Variants in ZFYVE9 observed in about 807,000 individuals in gnomAD.
The protein encoded by ZFYVE9 is zinc finger FYVE-type containing 9, also known as zinc finger FYVE domain-containing protein 9.
In ZFYVE9, 43 loss-of-function variants were observed where a neutral mutation model predicts 126.7. The ratio of observed to expected loss-of-function variants is 0.34; its 90% confidence interval spans 0.27 to 0.44. ZFYVE9 has a LOEUF of 0.44. Ranked by LOEUF, ZFYVE9 falls within the 20% of genes least tolerant of loss-of-function variation. The pLI is 1.00. For synonymous variants in ZFYVE9, 521 were observed against 597.4 expected (o/e 0.87, Z 1.87); for missense variants, 1,476 against 1,697.0 (o/e 0.87, Z 2.29).
intron 3 of ZFYVE9, among the ~76,000 whole-genome samples, chr1:52,234,656 G>A (rs565590674): frequency 1.3e-5 from 2 of 152,296 alleles, no homozygotes; most frequent in Admixed American, 6.5e-5. Flanking sequence ...GGCTACCAGA[G>A]TGGCCTGCTT....
chr1:52,225,505 GT>G (rs1645162157), intron 2 of ZFYVE9, among the ~76,000 whole-genome samples: 1 of 152,212 alleles, frequency 6.6e-6, no homozygotes, highest in Admixed American at 6.5e-5. Context: ...GAAGGAAGGG[GT>G]TTTTAACCCT....
chr1:52,165,440 T>A (rs1644504632), intron 1 of ZFYVE9, among the ~76,000 whole-genome samples: 1 of 152,104 alleles, frequency 6.6e-6, no homozygotes, highest in African/African-American at 2.4e-5. Context: ...CCCTGAACAG[T>A]CTGTGAGGGA....
chr1:52,193,290 G>A (rs1011927054), intron 1 of ZFYVE9, among the ~76,000 whole-genome samples: 14 of 145,610 alleles, frequency 9.6e-5, no homozygotes, highest in Admixed American at 9.4e-4. Context: ...GTGCCTAACA[G>A]AAAGAAAACA....
intron 1 of ZFYVE9, among the ~76,000 whole-genome samples, chr1:52,143,456 A>G (rs976290629): frequency 6.6e-6 from 1 of 152,210 alleles, no homozygotes; most frequent in Middle Eastern, 3.2e-3. Context: ...AGGTACTTGC[A>G]AAACTTTTAT....
chr1:52,198,353 C>T (rs1027106751), intron 1 of ZFYVE9, among the ~76,000 whole-genome samples: 1 of 151,820 alleles, frequency 6.6e-6, no homozygotes, highest in Non-Finnish European at 1.5e-5. Flanking sequence ...AGGTGATCCA[C>T]CTGCCTCGAC....
chr1:52,188,896 C>T (rs1403714682), intron 1 of ZFYVE9, among the ~76,000 whole-genome samples: 1 of 152,026 alleles, frequency 6.6e-6, no homozygotes, highest in Non-Finnish European at 1.5e-5. Flanking sequence ...TTTTCACAGT[C>T]ATGCGGTAAT....
intron 1 of ZFYVE9, among the ~76,000 whole-genome samples, chr1:52,169,848 ATCCTC>A: frequency 1.3e-5 from 2 of 152,278 alleles, no homozygotes; most frequent in Middle Eastern, 6.8e-3. Flanking sequence ...ACTCCTTGCT[ATCCTC>A]TTATTTTCAA....
chr1:52,261,226 CTTTTTTT>C (rs954031127), intron 4 of ZFYVE9, among the ~76,000 whole-genome samples: 15 of 132,130 alleles, frequency 1.1e-4, no homozygotes, highest in African/African-American at 4.1e-4. Flanking sequence ...TTCTTTCTTT[CTTTTTTT>C]TTTTTTTTTT....
At chr1:52,247,685 C>T (rs1016657293) in intron 4 of ZFYVE9, among the ~76,000 whole-genome samples, 8 of 152,060 alleles carry the variant, frequency 5.3e-5, no homozygotes, top group Non-Finnish European at 7.4e-5. Flanking sequence ...TTAGTAGAGA[C>T]GGGGTTTCGC....
chr1:52,152,116 A>G (rs142797551), intron 1 of ZFYVE9, among the ~76,000 whole-genome samples: 190 of 152,074 alleles, frequency 1.2e-3, no homozygotes, highest in African/African-American at 4.2e-3. Flanking sequence ...CAGCCTCCTG[A>G]TTAGCTGGGA....
At chr1:52,183,781 C>G (rs1015783583) in intron 1 of ZFYVE9, among the ~76,000 whole-genome samples, 2 of 152,136 alleles carry the variant, frequency 1.3e-5, no homozygotes, top group African/African-American at 2.4e-5. Flanking sequence ...GCTAGGATTA[C>G]TGGCGTGAGC....
At chr1:52,175,875 G>A (rs1222305150) in intron 1 of ZFYVE9, among the ~76,000 whole-genome samples, 1 of 152,052 alleles carries the variant, frequency 6.6e-6, no homozygotes, top group African/African-American at 2.4e-5. Flanking sequence ...CTCTGTATTG[G>A]TTATTCTAGT....
At chr1:52,226,166 T>C (rs1450619430) in intron 2 of ZFYVE9, among the ~76,000 whole-genome samples, 1 of 152,130 alleles carries the variant, frequency 6.6e-6, no homozygotes, top group Non-Finnish European at 1.5e-5. Flanking sequence ...GCAGGTGCCA[T>C]CTTATCTGCT....
At chr1:52,232,037 TAGTA>T (rs1315024938) in intron 2 of ZFYVE9, among the ~76,000 whole-genome samples, 2 of 152,214 alleles carry the variant, frequency 1.3e-5, no homozygotes, top group African/African-American at 4.8e-5. Context: ...AACACTACCT[TAGTA>T]AGTCAAAGAA....
intron 1 of ZFYVE9, among the ~76,000 whole-genome samples, chr1:52,146,106 G>A (rs1644304825): frequency 6.6e-6 from 1 of 150,884 alleles, no homozygotes; most frequent in South Asian, 2.1e-4. Context: ...ACCCAATACA[G>A]TATAACAGTT....
intron 13 of ZFYVE9, among the ~76,000 whole-genome samples, chr1:52,321,784 C>T (rs1034229563): frequency 2.0e-5 from 3 of 152,186 alleles, no homozygotes; most frequent in African/African-American, 7.2e-5. Context: ...ACTCCTAGGG[C>T]ATCCCTCATT....
chr1:52,198,236 C>T (rs1644883619), intron 1 of ZFYVE9, among the ~76,000 whole-genome samples: 1 of 146,748 alleles, frequency 6.8e-6, no homozygotes, highest in Non-Finnish European at 1.5e-5. Flanking sequence ...ATTCTCCTGC[C>T]TCAGCCTCCA....
intron 3 of ZFYVE9, among the ~76,000 whole-genome samples, chr1:52,236,378 TTAA>T (rs1645273385): frequency 6.6e-6 from 1 of 152,168 alleles, no homozygotes. Context: ...AGTAAATGCC[TTAA>T]TAAAGTTTTG....
chr1:52,316,165 CAAAAAAA>C (rs367815611), intron 13 of ZFYVE9, among the ~76,000 whole-genome samples: 43 of 39,212 alleles, frequency 1.1e-3, no homozygotes, highest in South Asian at 3.0e-3. Context: ...AACTCCATCT[CAAAAAAA>C]AAAAAAAAAA....
Sources: gnomAD v4.1 joint callset for allele counts (sites outside exome capture counted in the v4.1 genomes callset) on GRCh38, gnomAD v4.1.1 for gene constraint, MANE v1.5 for transcripts, NCBI Gene and HGNC (gene_info 2026-07-23, HGNC 2026-07-21) for gene names.